LRRC4C: variants seen among roughly 807,000 people sequenced by gnomAD.
LRRC4C encodes leucine rich repeat containing 4C.
LRRC4C carries 5 observed loss-of-function variants against 33.6 expected under a neutral mutation model. That is an observed-to-expected ratio of 0.15 (90% CI 0.08 to 0.31). The LOEUF (loss-of-function observed/expected upper bound fraction) is 0.31, where lower values mean the gene tolerates loss of function less well. Ranked by LOEUF, LRRC4C falls within the 10% of genes least tolerant of loss-of-function variation. LRRC4C has a pLI of 1.00. For missense variants in LRRC4C, 560 were observed against 796.7 expected, an observed-to-expected ratio of 0.70 and a Z score of 3.58; for synonymous variants, 329 against 302.0, an observed-to-expected ratio of 1.09 and a Z score of -0.93.
At chr11:40,141,291 A>T (rs961059037) in intron 5 of LRRC4C, among the ~76,000 whole-genome samples, 1 of 152,108 alleles carries the variant, frequency 6.6e-6, no homozygotes, top group Non-Finnish European at 1.5e-5. Flanking sequence ...TGCAAATTCT[A>T]TTTGGGATTG....
At chr11:41,374,791 TG>T (rs1221127937) in intron 1 of LRRC4C, among the ~76,000 whole-genome samples, 4 of 152,100 alleles carry the variant, frequency 2.6e-5, no homozygotes, top group African/African-American at 9.7e-5. Flanking sequence ...TCTTGAGGGT[TG>T]TATGTAGAAA....
chr11:40,389,961 C>T (rs1006435749), intron 3 of LRRC4C, among the ~76,000 whole-genome samples: 1 of 152,080 alleles, frequency 6.6e-6, no homozygotes, highest in African/African-American at 2.4e-5. Flanking sequence ...AGAAGTCACC[C>T]CTAGTGCAGT....
At chr11:40,706,002 T>C (rs1189917618) in intron 2 of LRRC4C, among the ~76,000 whole-genome samples, 1 of 152,186 alleles carries the variant, frequency 6.6e-6, no homozygotes, top group Non-Finnish European at 1.5e-5. Context: ...CATAAATGTC[T>C]TATTTTGAGA....
chr11:40,317,775 G>T (rs1408988474), intron 4 of LRRC4C, among the ~76,000 whole-genome samples: 1 of 152,004 alleles, frequency 6.6e-6, no homozygotes, highest in Non-Finnish European at 1.5e-5. Context: ...TTTATTTAAA[G>T]GTAGGAAGCA....
At chr11:41,304,579 G>T (rs1461784959) in intron 1 of LRRC4C, among the ~76,000 whole-genome samples, 1 of 93,560 alleles carries the variant, frequency 1.1e-5, no homozygotes, top group East Asian at 4.0e-4. Flanking sequence ...AGGTGGGGGG[G>T]TCAGCCCCCC....
intron 3 of LRRC4C, among the ~76,000 whole-genome samples, chr11:40,410,943 T>C (rs982589978): frequency 1.3e-5 from 2 of 152,090 alleles, no homozygotes; most frequent in Admixed American, 6.6e-5. Context: ...TTTTTTAAAG[T>C]GCTGCAGTTA....
At chr11:41,099,728 A>G (rs1313174435) in intron 1 of LRRC4C, among the ~76,000 whole-genome samples, 1 of 152,192 alleles carries the variant, frequency 6.6e-6, no homozygotes, top group Non-Finnish European at 1.5e-5. Flanking sequence ...ACCCACAGTG[A>G]ACATCACACT....
chr11:40,256,298 T>G (rs1420329484), intron 4 of LRRC4C, among the ~76,000 whole-genome samples: 1 of 152,170 alleles, frequency 6.6e-6, no homozygotes, highest in Non-Finnish European at 1.5e-5. Context: ...AGAGTCACAT[T>G]GAACAGGTAC....
chr11:40,245,540 C>G (rs529865849), intron 4 of LRRC4C, among the ~76,000 whole-genome samples: 1 of 152,092 alleles, frequency 6.6e-6, no homozygotes, highest in African/African-American at 2.4e-5. Flanking sequence ...TTTATTGATA[C>G]GATCCTCAAA....
intron 3 of LRRC4C, among the ~76,000 whole-genome samples, chr11:40,412,838 A>C (rs1361673020): frequency 8.5e-5 from 13 of 152,124 alleles, no homozygotes; most frequent in African/African-American, 3.1e-4. Context: ...GCAATGTTTA[A>C]GGCATTGGGT....
intron 1 of LRRC4C, among the ~76,000 whole-genome samples, chr11:40,960,855 C>A (rs1200959505): frequency 1.3e-5 from 2 of 151,652 alleles, no homozygotes; most frequent in East Asian, 3.9e-4. Context: ...GCAAGTCAAG[C>A]CAAAGGCATA....
At chr11:41,408,073 T>A (rs1246592799) in intron 1 of LRRC4C, among the ~76,000 whole-genome samples, 1 of 152,150 alleles carries the variant, frequency 6.6e-6, no homozygotes, top group Non-Finnish European at 1.5e-5. Context: ...ACCAGTATTA[T>A]TGTTGGCATT....
At chr11:40,181,384 T>C (rs1188463006) in intron 5 of LRRC4C, among the ~76,000 whole-genome samples, 1 of 152,220 alleles carries the variant, frequency 6.6e-6, no homozygotes. Flanking sequence ...AACTGTATTT[T>C]ACATACACTT....
At chr11:40,209,434 A>G (rs1863413286) in intron 5 of LRRC4C, among the ~76,000 whole-genome samples, 1 of 152,242 alleles carries the variant, frequency 6.6e-6, no homozygotes, top group Admixed American at 6.5e-5. Flanking sequence ...CCTTGAAATA[A>G]TCAATCTTGG....
At chr11:40,218,798 C>T (rs1458270256) in intron 5 of LRRC4C, among the ~76,000 whole-genome samples, 4 of 151,524 alleles carry the variant, frequency 2.6e-5, no homozygotes, top group African/African-American at 7.3e-5. Flanking sequence ...TGATTCCCCA[C>T]CCTGGCAATG....
intron 1 of LRRC4C, among the ~76,000 whole-genome samples, chr11:41,075,503 CCTT>C (rs1203881626): frequency 6.6e-6 from 1 of 152,038 alleles, no homozygotes; most frequent in African/African-American, 2.4e-5. Context: ...CCACTCAAGG[CCTT>C]CTTTCCTGCA....
At chr11:40,277,758 G>T (rs959498326) in intron 4 of LRRC4C, among the ~76,000 whole-genome samples, 1 of 151,998 alleles carries the variant, frequency 6.6e-6, no homozygotes, top group Non-Finnish European at 1.5e-5. Context: ...CTGCTTATTT[G>T]CTTGCGGATT....
intron 1 of LRRC4C, among the ~76,000 whole-genome samples, chr11:41,246,176 G>A (rs993899913): frequency 3.9e-5 from 6 of 152,068 alleles, no homozygotes; most frequent in African/African-American, 9.7e-5. Flanking sequence ...CTGCAGAGGG[G>A]GTGCCTGCAG....
intron 3 of LRRC4C, among the ~76,000 whole-genome samples, chr11:40,545,091 C>A (rs1199137219): frequency 6.6e-6 from 1 of 151,964 alleles, no homozygotes; most frequent in Non-Finnish European, 1.5e-5. Context: ...CACCTTGTCT[C>A]TGAAGCCTCC....
Sources: allele counts gnomAD v4.1 joint callset (sites outside exome capture counted in the v4.1 genomes callset), GRCh38; gene constraint gnomAD v4.1.1; transcripts MANE v1.5; gene names NCBI Gene and HGNC (gene_info 2026-07-23, HGNC 2026-07-21).